APBB2: variants seen among roughly 807,000 people sequenced by gnomAD.
The protein encoded by APBB2 is amyloid beta precursor protein binding family B member 2, also known as Fe65-like 1.
APBB2 carries 38 observed loss-of-function variants against 82.5 expected under a neutral mutation model. That is an observed-to-expected ratio of 0.46 (90% CI 0.36 to 0.60). The LOEUF is 0.60. APBB2 is among the 20% of genes least tolerant of loss of function. APBB2 has a pLI of 0.00. For synonymous variants in APBB2, 341 were observed against 368.2 expected (o/e 0.93, Z 0.85); for missense variants, 772 against 972.3 (o/e 0.79, Z 2.74).
intron 6 of APBB2, among the ~76,000 whole-genome samples, chr4:40,988,821 A>G (rs1377211523): frequency 1.3e-5 from 2 of 149,460 alleles, no homozygotes; most frequent in African/African-American, 4.9e-5. Flanking sequence ...GCTGGAGTGC[A>G]GTGGCATGAT....
At chr4:41,053,820 CTCA>C (rs964131471) in intron 4 of APBB2, among the ~76,000 whole-genome samples, 1 of 152,218 alleles carries the variant, frequency 6.6e-6, no homozygotes. Flanking sequence ...AACTCCACAA[CTCA>C]TCACTTTGAA....
chr4:41,041,131 T>C (rs774600226), intron 4 of APBB2, among the ~76,000 whole-genome samples: 9 of 152,160 alleles, frequency 5.9e-5, no homozygotes, highest in South Asian at 2.1e-4. Flanking sequence ...TCCCCCACCT[T>C]GGCCTCCCAA....
At chr4:40,914,847 A>AT (rs1169189719) in intron 10 of APBB2, among the ~76,000 whole-genome samples, 1 of 152,118 alleles carries the variant, frequency 6.6e-6, no homozygotes, top group African/African-American at 2.4e-5. Context: ...GTGGTGCTTA[A>AT]TTACTCTTAA....
intron 4 of APBB2, among the ~76,000 whole-genome samples, chr4:41,063,345 A>T (rs1167860843): frequency 6.6e-6 from 1 of 152,238 alleles, no homozygotes; most frequent in Non-Finnish European, 1.5e-5. Flanking sequence ...TCCTATAAAA[A>T]TAAGCATGGG....
At position 40,935,112 on chromosome 4, in the gene APBB2, G is replaced by A. The variant is rs1785077567; in HGVS notation, c.1072C>T (p.Leu358=). The A allele has an allele frequency of 5.9e-6, 9 of 1,533,986 alleles. No individual in the cohort carries two copies. The East Asian group carries it at 1.7e-4, about 29-fold the overall frequency. The change falls in exon 8 of 18, where the codon CTG becomes TTG. Residue 358 remains leucine (L), a synonymous_variant. Coordinates refer to ENST00000508593, the MANE Select transcript of APBB2 (RefSeq NM_004307.2). ...EKQPWSDFAV[L]NGGKINSDIW... is the part of the protein sequence containing the mutation. ...TCACTATTAATCTTTCCCCCATTCA[G>A]AACAGCAAAATCACTCCATGGCTGT... is the stretch of plus-strand genomic sequence containing the variant.
At chr4:41,160,402 ACGC>A (rs1439482935) in intron 1 of APBB2, among the ~76,000 whole-genome samples, 1 of 152,180 alleles carries the variant, frequency 6.6e-6, no homozygotes, top group African/African-American at 2.4e-5. Context: ...GATAAACCAG[ACGC>A]AGGGAAATTT....
Position 40,887,583 on chromosome 4 carries a change from AAGC to A in APBB2, c.1529+2778_1529+2780del, listed in dbSNP as rs1770685818. ...AATCAAAAGCAAAGGAAAGTAAAAAAAGCAGGAGTACAAAGACCCCTTCTTCTG... is the reference window on the plus strand; with the variant it reads ...AATCAAAAGCAAAGGAAAGTAAAAAAAGGAGTACAAAGACCCCTTCTTCTG... On this transcript the variant is annotated intron_variant, in intron 12 of 17. Transcript: ENST00000508593. 2.0e-5 allele frequency among the ~76,000 whole-genome samples: 3 copies of A among 152,354 alleles called. No individual in the cohort carries two copies. In the South Asian group the frequency reaches 6.2e-4, roughly 32 times the overall value.
At chr4:41,099,821 C>T (rs145571126) in intron 3 of APBB2, among the ~76,000 whole-genome samples, 153 of 152,020 alleles carry the variant, frequency 1.0e-3, no homozygotes, top group Middle Eastern at 3.4e-3. Context: ...TTCCTATTGT[C>T]GATAATGTTT....
chr4:41,027,364 CATATATATATATATAT>C (rs36224955), intron 5 of APBB2, among the ~76,000 whole-genome samples: 3,563 of 127,438 alleles, frequency 0.028, 176 homozygotes, highest in African/African-American at 0.09. Context: ...CATATTGTTA[CATATATATATATATAT>C]ATATATATAT....
chr4:40,890,555 T>C, intron 11 of APBB2, 64 bp from the exon 12 acceptor site: 3 of 1,587,664 alleles, frequency 1.9e-6, no homozygotes, highest in Non-Finnish European at 8.6e-7. Context: ...ATCGTGTGTG[T>C]GGCCATCTAG....
chr4:41,072,501 A>G (rs1404094828), intron 3 of APBB2, among the ~76,000 whole-genome samples: 1 of 151,752 alleles, frequency 6.6e-6, no homozygotes, highest in African/African-American at 2.4e-5. Context: ...CAAATAAAAT[A>G]ATGAAGTGTA....
At chr4:41,096,674 C>T (rs1483004520) in intron 3 of APBB2, among the ~76,000 whole-genome samples, 1 of 152,108 alleles carries the variant, frequency 6.6e-6, no homozygotes, top group Non-Finnish European at 1.5e-5. Context: ...GTACCAAAAT[C>T]ATAATGGGAG....
intron 4 of APBB2, among the ~76,000 whole-genome samples, chr4:41,035,073 T>C (rs1189145534): frequency 6.6e-6 from 1 of 152,170 alleles, no homozygotes; most frequent in African/African-American, 2.4e-5. Flanking sequence ...TTCATTGAGA[T>C]GTGGAAATTC....
chr4:41,053,606 G>C (rs911340104), intron 4 of APBB2, among the ~76,000 whole-genome samples: 2 of 145,262 alleles, frequency 1.4e-5, no homozygotes, highest in Non-Finnish European at 3.1e-5. Context: ...CAAGAAATCA[G>C]ACTATTTATG....
At chr4:40,901,794 C>A (rs553391469) in intron 10 of APBB2, among the ~76,000 whole-genome samples, 1 of 143,356 alleles carries the variant, frequency 7.0e-6, no homozygotes, top group East Asian at 2.1e-4. Flanking sequence ...GGATTACAGG[C>A]GTGAGCCACC....
chr4:40,978,577 A>G (rs1025904726), intron 6 of APBB2, among the ~76,000 whole-genome samples: 13 of 138,528 alleles, frequency 9.4e-5, no homozygotes, highest in African/African-American at 2.1e-4. Context: ...TTTCCTTGGG[A>G]AAAAAAAGCG....
At position 40,834,812 on chromosome 4, in the gene APBB2, C is replaced by G. The variant is rs916585183; in HGVS notation, c.1530-4235G>C. 8.6e-5 allele frequency among the ~76,000 whole-genome samples: 13 copies of G among 152,018 alleles called. 1 individual carries two copies. On this transcript the variant is annotated intron_variant, in intron 12 of 17. Coordinates refer to ENST00000508593, the MANE Select transcript of APBB2 (RefSeq NM_004307.2). ...GAGAGCCCCTGGAAGAAACACAGCC[C>G]AGCCAACACTGGGATTTGACATTTC...
At chr4:41,111,762 C>G (rs1749274952) in intron 2 of APBB2, among the ~76,000 whole-genome samples, 1 of 152,158 alleles carries the variant, frequency 6.6e-6, no homozygotes, top group Admixed American at 6.5e-5. Flanking sequence ...TGGGATAGAA[C>G]AGGTTGGTGA....
chr4:41,081,268 G>A (rs930587128), intron 3 of APBB2, among the ~76,000 whole-genome samples: 2 of 152,180 alleles, frequency 1.3e-5, no homozygotes, highest in Middle Eastern at 3.2e-3. Flanking sequence ...GTGTGTGTGT[G>A]TCTGTGTGTG....
Sources: allele counts gnomAD v4.1 joint callset (sites outside exome capture counted in the v4.1 genomes callset), GRCh38; gene constraint gnomAD v4.1.1; transcripts MANE v1.5; gene names NCBI Gene and HGNC (gene_info 2026-07-23, HGNC 2026-07-21).